The following MCF2L variants were observed in gnomAD, a reference collection of about 807,000 sequenced individuals.
The protein encoded by MCF2L is MCF.2 cell line derived transforming sequence like.
MCF2L carries 97 observed loss-of-function variants against 153.4 expected under a neutral mutation model. That is an observed-to-expected ratio of 0.63 (90% CI 0.54 to 0.75). The LOEUF is 0.75. MCF2L is among the 30% of genes least tolerant of loss of function. The pLI, the probability that MCF2L is intolerant of heterozygous loss-of-function variation, is 0.00. For synonymous variants in MCF2L, 659 were observed against 632.2 expected (o/e 1.04, Z -0.64); for missense variants, 1,347 against 1,495.2 (o/e 0.90, Z 1.64).
chr13:113,097,335 A>T lies in MCF2L; in HGVS notation c.*476A>T. The T allele has an allele frequency of 6.4e-6, 1 of 156,286 alleles. No homozygotes were observed. The highest frequency in any genetic ancestry group is 1.4e-5 in the Non-Finnish European group (1 of 70,886). The allele number at this position is 156,286 out of a possible 1,614,324, so 9.7% of individuals were successfully genotyped here. On this transcript the variant is annotated 3_prime_UTR_variant, in exon 30 of 30. Coordinates refer to ENST00000535094, the MANE Select transcript of MCF2L (RefSeq NM_001112732.3). ...CCATTTTTTGTGGTACTTTGGCCTC[A>T]ATTCTTCACCAGGAATCACTGTGTT...
At position 113,014,227 on chromosome 13, in the gene MCF2L, C is replaced by T. The variant is rs552640951; in HGVS notation, c.80-536C>T. Reference sequence around the variant, plus strand: ...CGACCCTGCTGTTGCCATCCTGCCTCATTTGTGTCCGTCTAATGGCGAGGC... The same window carrying T: ...CGACCCTGCTGTTGCCATCCTGCCTTATTTGTGTCCGTCTAATGGCGAGGC... On this transcript the variant is annotated intron_variant, in intron 1 of 29. Coordinates refer to ENST00000535094, the MANE Select transcript of MCF2L (RefSeq NM_001112732.3). Among the ~76,000 whole-genome samples the T allele has an allele frequency of 2.6e-4, 40 of 152,326 alleles. No individual in the cohort carries two copies. In the East Asian group the frequency reaches 6.9e-3, roughly 26 times the overall value.
intron 5 of MCF2L, among the ~76,000 whole-genome samples, chr13:113,061,983 C>T (rs985256178): frequency 4.2e-5 from 6 of 144,026 alleles, no homozygotes; most frequent in Admixed American, 3.5e-4. Context: ...GGGTGTCACC[C>T]GTGACCCTGG....
chr13:113,001,584 C>T, intron 1 of MCF2L: 1 of 764,728 alleles, frequency 1.3e-6, no homozygotes, highest in East Asian at 4.7e-5. Context: ...GTGTGGGGCC[C>T]CTGCAGGGAG....
intron 2 of MCF2L, among the ~76,000 whole-genome samples, chr13:112,920,813 A>G (rs1037739510): frequency 2.6e-5 from 4 of 152,108 alleles, no homozygotes; most frequent in Admixed American, 2.0e-4. Context: ...GGCTGAGGGC[A>G]CAGATTGGCT....
At chr13:113,019,488 A>G (rs2084745932) in intron 2 of MCF2L, among the ~76,000 whole-genome samples, 1 of 152,212 alleles carries the variant, frequency 6.6e-6, no homozygotes, top group African/African-American at 2.4e-5. Flanking sequence ...CTGGAGAGAA[A>G]CAGAAATGGA....
intron 1 of MCF2L, among the ~76,000 whole-genome samples, chr13:113,005,940 A>G (rs1322271492): frequency 1.3e-5 from 2 of 152,258 alleles, no homozygotes; most frequent in East Asian, 1.9e-4. Flanking sequence ...TCCGTTCACA[A>G]CACCCTGCAC....
intron 1 of MCF2L, among the ~76,000 whole-genome samples, chr13:112,996,013 C>T (rs940674572): frequency 6.6e-6 from 1 of 152,204 alleles, no homozygotes; most frequent in South Asian, 2.1e-4. Flanking sequence ...CCAAGCCTGA[C>T]GTCTTCTCTC....
Position 113,054,196 on chromosome 13 carries a change from GTTCT to G in MCF2L, c.370-6396_370-6393del, listed in dbSNP as rs1277815447. Reference sequence around the variant, plus strand: ...ATCTCAGGATCCTGGATGCACGCCTGTTCTCCAGGTCTGCTTCCCGTGAAATTCG... The same window carrying G: ...ATCTCAGGATCCTGGATGCACGCCTGCCAGGTCTGCTTCCCGTGAAATTCG... On this transcript the variant is annotated intron_variant, in intron 4 of 29. Transcript: ENST00000535094. The surrounding 1 kb of genome is among the most constrained non-coding windows in gnomAD (Gnocchi z 5.2). 1 of 167,444 alleles carries G rather than the reference GTTCT, an allele frequency of 6.0e-6. No homozygotes were observed. The highest frequency in any genetic ancestry group is 1.5e-5 in the Non-Finnish European group (1 of 68,210). 10.4% of individuals were successfully genotyped at this position (167,444 alleles called of 1,614,324 possible). A position where few individuals can be genotyped will look rare whatever the true frequency, so the allele number is the denominator to read the frequency against.
At position 113,001,780 on chromosome 13, in the gene MCF2L, C is replaced by T. The variant is rs568809077; in HGVS notation, c.80-12983C>T. The T allele has an allele frequency of 9.2e-5, 130 of 1,408,018 alleles. 2 individuals carry two copies. The South Asian group carries it at 1.9e-3, about 21-fold the overall frequency. 87.2% of individuals were successfully genotyped at this position (1,408,018 alleles called of 1,614,324 possible). A position where few individuals can be genotyped will look rare whatever the true frequency, so the allele number is the denominator to read the frequency against. On this transcript the variant is annotated intron_variant, in intron 1 of 29. Coordinates refer to ENST00000535094, the MANE Select transcript of MCF2L (RefSeq NM_001112732.3). Reference sequence around the variant, plus strand: ...GCTGCCCTGCAGAGGCCAGGTCTGCCCAGCAAACCCAGGAAGGTGTGGCGT... The same window carrying T: ...GCTGCCCTGCAGAGGCCAGGTCTGCTCAGCAAACCCAGGAAGGTGTGGCGT...
At chr13:113,004,540 G>A (rs372922969) in intron 1 of MCF2L, among the ~76,000 whole-genome samples, 1 of 152,212 alleles carries the variant, frequency 6.6e-6, no homozygotes, top group Non-Finnish European at 1.5e-5. Flanking sequence ...CTCACCTGGT[G>A]GGGGGCAGCC....
At chr13:113,034,366 G>T (rs1270914194) in intron 3 of MCF2L, among the ~76,000 whole-genome samples, 1 of 152,000 alleles carries the variant, frequency 6.6e-6, no homozygotes, top group Non-Finnish European at 1.5e-5. Context: ...TGAACTCCTG[G>T]GCTCAAATGA....
chr13:113,016,316 C>T lies in MCF2L; in HGVS notation c.163+1470C>T, dbSNP rs1247610899. ...CACAAGGGGGTTCTCTGTGTGGCCCCGAAGGAGGCAGAGGCCGCCTGACCA... is the reference window on the plus strand; with the variant it reads ...CACAAGGGGGTTCTCTGTGTGGCCCTGAAGGAGGCAGAGGCCGCCTGACCA... On this transcript the variant is annotated intron_variant, in intron 2 of 29. Transcript: ENST00000535094. Among the ~76,000 whole-genome samples, 5 of 152,164 alleles carry T rather than the reference C, an allele frequency of 3.3e-5. 1 individual carries two copies. The East Asian group carries it at 7.7e-4, about 23-fold the overall frequency.
intron 26 of MCF2L, chr13:113,093,855 A>T (rs2035423689): frequency 3.3e-5 from 5 of 152,348 alleles, no homozygotes; most frequent in Non-Finnish European, 7.3e-5. Flanking sequence ...GCCTGGCAGG[A>T]GGAACACTGG....
At chr13:112,921,764 C>T (rs932897874) in intron 2 of MCF2L, among the ~76,000 whole-genome samples, 5 of 152,108 alleles carry the variant, frequency 3.3e-5, no homozygotes, top group South Asian at 4.2e-4. Flanking sequence ...ACAAAAATGC[C>T]GCTAAGCAGC....
At chr13:113,096,729 G>A (rs772074100) in intron 29 of MCF2L, 45 bp from the exon 30 acceptor site, 6 of 1,553,888 alleles carry the variant, frequency 3.9e-6, no homozygotes, top group Non-Finnish European at 5.2e-6. Context: ...GTGTGTGCCC[G>A]GCAGAGCCGA....
intron 26 of MCF2L, chr13:113,091,066 T>C: frequency 7.7e-7 from 1 of 1,297,302 alleles, no homozygotes. Flanking sequence ...GCCGCCTCCC[T>C]CCGTCCTTCA....
At chr13:112,909,538 G>A (rs2140517635) in intron 2 of MCF2L, 1 of 495,520 alleles carries the variant, frequency 2.0e-6, no homozygotes, top group Middle Eastern at 5.3e-4. Flanking sequence ...CAACTTGGAT[G>A]CAGGTAGTGC....
rs373363885 is a variant in MCF2L at position 113,025,899 on chromosome 13, C to A, written c.278+1141C>A. On this transcript the variant is annotated intron_variant, in intron 3 of 29. Coordinates refer to ENST00000535094, the MANE Select transcript of MCF2L (RefSeq NM_001112732.3). ...CGGGGCAGAGTCCCTGTGAGGTTTC[C>A]CCATTGTGGGGTCCCCGTGACTGTG... is the stretch of plus-strand genomic sequence containing the variant. Among the ~76,000 whole-genome samples, 159 of 54,178 alleles carry A rather than the reference C, an allele frequency of 2.9e-3. 6 individuals carry two copies. Among genetic ancestry groups the A allele is most frequent in the Admixed American group, 5.2e-3 (25 of 4,812 alleles). 35.5% of individuals were successfully genotyped at this position (54,178 alleles called of 152,430 possible).
chr13:112,962,021 T>C (rs2081833451), intron 2 of MCF2L, among the ~76,000 whole-genome samples: 1 of 148,072 alleles, frequency 6.8e-6, no homozygotes, highest in African/African-American at 2.5e-5. Flanking sequence ...ACACATGGGC[T>C]CACACCCAGG....
Sources: allele counts gnomAD v4.1 joint callset (sites outside exome capture counted in the v4.1 genomes callset), GRCh38; gene constraint gnomAD v4.1.1; non-coding constraint Gnocchi (gnomAD v3.1); transcripts MANE v1.5; gene names NCBI Gene and HGNC (gene_info 2026-07-23, HGNC 2026-07-21).